VRK2: variants seen among roughly 807,000 people sequenced by gnomAD.
The protein encoded by VRK2 is serine/threonine-protein kinase VRK2.
A neutral mutation model predicts 57.6 loss-of-function variants in VRK2; 60 were observed. The observed-to-expected ratio is 1.04, with a 90% CI of 0.85 to 1.29. The LOEUF (loss-of-function observed/expected upper bound fraction) is 1.29, where lower values mean the gene tolerates loss of function less well. VRK2 is among the 50% of genes most tolerant of loss of function. The pLI is 0.00. For missense variants in VRK2, 705 were observed against 588.1 expected (o/e 1.20, Z -2.06); for synonymous variants, 231 against 199.2 (o/e 1.16, Z -1.35).
intron 2 of VRK2, among the ~76,000 whole-genome samples, chr2:58,065,760 T>C (rs961761047): frequency 6.6e-6 from 1 of 152,180 alleles, no homozygotes; most frequent in African/African-American, 2.4e-5. Flanking sequence ...CTCATTTCTT[T>C]AGGTCTTCCC....
chr2:58,118,802 G>T (rs1676943114), intron 7 of VRK2, among the ~76,000 whole-genome samples: 1 of 152,198 alleles, frequency 6.6e-6, no homozygotes, highest in African/African-American at 2.4e-5. Flanking sequence ...AAGAGAGTCA[G>T]CGAAGGGAGA....
rs1005950933 is a variant in VRK2, at chr2:58,012,896, T to C, written c.-438-12769T>C. On this transcript the variant is annotated intron_variant, in intron 1 of 15. Coordinates refer to the VRK2 transcript ENST00000417641. ...ACCATTATGCAGCCAGGTTTTTCAA[T>C]GAAAAATATAAAACGTAAAACTTTC... Among the ~76,000 whole-genome samples the C allele has an allele frequency of 1.5e-4, 23 of 152,312 alleles. No homozygotes were observed. The East Asian group carries it at 4.1e-3, about 27-fold the overall frequency.
intron 11 of VRK2, among the ~76,000 whole-genome samples, chr2:58,146,085 G>A (rs116211965): frequency 3.5e-3 from 530 of 152,034 alleles, no homozygotes; most frequent in African/African-American, 0.012. Flanking sequence ...AGAAACATAC[G>A]TGTGCATGCA....
intron 1 of VRK2, among the ~76,000 whole-genome samples, chr2:58,004,540 C>G (rs564646189): frequency 6.6e-6 from 1 of 152,192 alleles, no homozygotes; most frequent in South Asian, 2.1e-4. Context: ...GAAGTTTAAA[C>G]CTGAGCTTCA....
chr2:57,962,922 G>A (rs930776113), intron 1 of VRK2, among the ~76,000 whole-genome samples: 3 of 152,092 alleles, frequency 2.0e-5, no homozygotes, highest in African/African-American at 4.8e-5. Flanking sequence ...GTGGAAAATC[G>A]ATTTGGGAGG....
chr2:57,926,437 ATATGTG>A (rs1174104433), intron 1 of VRK2, among the ~76,000 whole-genome samples: 28 of 85,922 alleles, frequency 3.3e-4, no homozygotes, highest in African/African-American at 1.3e-3. Context: ...ATACATATAT[ATATGTG>A]TGTGTGTGTG....
intron 1 of VRK2, among the ~76,000 whole-genome samples, chr2:57,963,777 C>A (rs1182713539): frequency 6.6e-6 from 1 of 152,158 alleles, no homozygotes; most frequent in Non-Finnish European, 1.5e-5. Flanking sequence ...GTAATGTCTG[C>A]ATCACAAAGA....
intron 2 of VRK2, among the ~76,000 whole-genome samples, chr2:58,030,407 A>G (rs1674076769): frequency 6.6e-6 from 1 of 152,028 alleles, no homozygotes; most frequent in Non-Finnish European, 1.5e-5. Flanking sequence ...AGTCTCTAAT[A>G]CTTTGCTGTA....
chr2:57,960,395 A>G (rs139055312), intron 1 of VRK2, among the ~76,000 whole-genome samples: 8 of 152,314 alleles, frequency 5.3e-5, no homozygotes, highest in Non-Finnish European at 1.2e-4. Flanking sequence ...ACTGCTGAAG[A>G]GACATAAATA....
chr2:58,012,613 T>G (rs1339361032), intron 1 of VRK2, among the ~76,000 whole-genome samples: 1 of 152,246 alleles, frequency 6.6e-6, no homozygotes, highest in Non-Finnish European at 1.5e-5. Flanking sequence ...CTTCTGTGGC[T>G]TATTCTTCCC....
intron 7 of VRK2, among the ~76,000 whole-genome samples, chr2:58,114,966 G>A (rs1676203761): frequency 6.6e-6 from 1 of 152,166 alleles, no homozygotes; most frequent in Non-Finnish European, 1.5e-5. Flanking sequence ...AAATCCTGGA[G>A]CTTGATGTGT....
rs574682694 is a variant in VRK2 at position 57,963,027 on chromosome 2, C to A, written c.-439+55188C>A. On this transcript the variant is annotated intron_variant, in intron 1 of 15. Transcript: ENST00000417641. ...AAGGGATTTGAACAAGTCACTTACC[C>A]CTGCTAAACCTTACTTCCTCTTCTG... 3.9e-5 allele frequency among the ~76,000 whole-genome samples: 6 copies of A among 152,246 alleles called. No homozygotes were observed. In the East Asian group the frequency reaches 1.2e-3, roughly 29 times the overall value.
At chr2:57,981,250 G>T (rs1313495557) in intron 1 of VRK2, among the ~76,000 whole-genome samples, 1 of 152,122 alleles carries the variant, frequency 6.6e-6, no homozygotes, top group African/African-American at 2.4e-5. Flanking sequence ...GAATTCCTTA[G>T]TATTTGCTGG....
Position 58,146,446 on chromosome 2 carries a change from T to TGGAAAG in VRK2, c.1154_1155insGGAAAG (p.Ile385delinsMetGluSer). ...AAAGTGCAGAAAGAGGAGAAACTGA[T>TGGAAAG]TGGATTGATGAACAATGAAGCAGCT... On this transcript the variant is annotated protein_altering_variant, in exon 12 of 13. Transcript: ENST00000340157. 1 of 1,610,952 alleles carries TGGAAAG rather than the reference T, an allele frequency of 6.2e-7. No homozygotes were observed.
chr2:58,048,860 A>G lies in VRK2; in HGVS notation c.29A>G (p.Lys10Arg), dbSNP rs759887505. Residue 10 changes from lysine (K) to arginine (R), a missense_variant, in exon 2 of 13, where the codon AAA (lysine) becomes AGA (arginine). By Grantham distance (26) the Lys-to-Arg change is conservative. Coordinates refer to ENST00000340157, the MANE Select transcript of VRK2 (RefSeq NM_006296.7). ...CCACCAAAAAGAAATGAAAAATACAAACTTCCTATTCCATTTCCAGAAGGC... is the reference window on the plus strand; with the variant it reads ...CCACCAAAAAGAAATGAAAAATACAGACTTCCTATTCCATTTCCAGAAGGC... MPPKRNEKY[K>R]LPIPFPEGKV... The G allele has an allele frequency of 9.9e-6, 16 of 1,613,940 alleles. No individual in the cohort carries two copies. In the South Asian group the frequency reaches 1.5e-4, roughly 16 times the overall value.
chr2:58,107,946 G>C lies in VRK2; in HGVS notation c.544-15155G>C, dbSNP rs558965594. ...CTTGCTACTCAGGATTCTCGGTTGCGTGAGAAGCAGGAAAGCAGCAGATTT... is the reference window on the plus strand; with the variant it reads ...CTTGCTACTCAGGATTCTCGGTTGCCTGAGAAGCAGGAAAGCAGCAGATTT... On this transcript the variant is annotated intron_variant, in intron 7 of 12. Transcript: ENST00000340157. 2.6e-5 allele frequency among the ~76,000 whole-genome samples: 4 copies of C among 152,222 alleles called. No individual in the cohort carries two copies. The South Asian group carries it at 6.2e-4, about 24-fold the overall frequency.
At chr2:58,062,629 C>T (rs1339372370) in intron 2 of VRK2, among the ~76,000 whole-genome samples, 1 of 152,048 alleles carries the variant, frequency 6.6e-6, no homozygotes, top group African/African-American at 2.4e-5. Context: ...TCAAACCAGC[C>T]ACAACATTCC....
At chr2:58,054,341 C>A (rs1676194911) in intron 2 of VRK2, among the ~76,000 whole-genome samples, 1 of 151,418 alleles carries the variant, frequency 6.6e-6, no homozygotes, top group Non-Finnish European at 1.5e-5. Flanking sequence ...TATATTATGT[C>A]TCTTCCACTG....
intron 2 of VRK2, among the ~76,000 whole-genome samples, chr2:58,063,495 C>T (rs1400795749): frequency 6.6e-6 from 1 of 151,910 alleles, no homozygotes; most frequent in Non-Finnish European, 1.5e-5. Flanking sequence ...TCATGTACCC[C>T]ATACATTTGC....
Sources: gnomAD v4.1 joint callset for allele counts (sites outside exome capture counted in the v4.1 genomes callset) on GRCh38, gnomAD v4.1.1 for gene constraint, MANE v1.5 for transcripts, NCBI Gene and HGNC (gene_info 2026-07-23, HGNC 2026-07-21) for gene names.